Variants in PLCG2 observed in about 807,000 individuals in gnomAD.
PLCG2 encodes the protein 1-phosphatidylinositol 4,5-bisphosphate phosphodiesterase gamma-2.
In PLCG2, 69 loss-of-function variants were observed where a neutral mutation model predicts 175.6. The ratio of observed to expected loss-of-function variants is 0.39; its 90% CI spans 0.32 to 0.48. The LOEUF (loss-of-function observed/expected upper bound fraction) is 0.48, where lower values mean the gene tolerates loss of function less well. Ranked by LOEUF, PLCG2 falls within the 20% of genes least tolerant of loss-of-function variation. The probability of loss-of-function intolerance (pLI) is 0.91; values close to 1 mark genes in which losing one functional copy is unlikely to be tolerated. For synonymous variants in PLCG2, 827 were observed against 624.0 expected (o/e 1.33, Z -4.85); for missense variants, 1,798 against 1,650.9 (o/e 1.09, Z -1.54).
chr16:81,928,744 C>T (rs1158534669), intron 24 of PLCG2, 120 bp downstream of exon 24: 1 of 707,806 alleles, frequency 1.4e-6, no homozygotes, highest in African/African-American at 1.7e-5. Context: ...CCAGCTCCTT[C>T]CCTGGCTGAA....
At chr16:81,913,171 A>G (rs1909705432) in intron 19 of PLCG2, among the ~76,000 whole-genome samples, 1 of 152,040 alleles carries the variant, frequency 6.6e-6, no homozygotes, top group African/African-American at 2.4e-5. Context: ...TGGTTCTCTA[A>G]TGTTACCCCA....
chr16:81,946,028 T>C (rs1376917355), intron 30 of PLCG2, 147 bp from the exon 31 acceptor site: 1 of 671,378 alleles, frequency 1.5e-6, no homozygotes, highest in African/African-American at 1.8e-5. Flanking sequence ...ATAGGACCTC[T>C]GGCTTCCACA....
At chr16:81,940,094 G>C (rs1211331472) in intron 30 of PLCG2, 35 bp downstream of exon 30, 3 of 1,566,614 alleles carry the variant, frequency 1.9e-6, no homozygotes, top group Non-Finnish European at 2.6e-6. Context: ...TTCGATTTGG[G>C]CTGGCGTTGT....
At chr16:81,754,689 G>A (rs528785707) in intron 1 of PLCG2, among the ~76,000 whole-genome samples, 2 of 151,408 alleles carry the variant, frequency 1.3e-5, no homozygotes, top group African/African-American at 4.8e-5. Flanking sequence ...GGAACCTCAC[G>A]TGTCTCCCTA....
intron 31 of PLCG2, among the ~76,000 whole-genome samples, chr16:81,946,789 T>C (rs1404145096): frequency 1.3e-5 from 2 of 152,194 alleles, no homozygotes; most frequent in African/African-American, 4.8e-5. Context: ...TTAGGATCAA[T>C]ACTCAGATAT....
chr16:81,914,976 C>G (rs1909781273), intron 19 of PLCG2, among the ~76,000 whole-genome samples: 1 of 152,156 alleles, frequency 6.6e-6, no homozygotes, highest in Non-Finnish European at 1.5e-5. Context: ...GTCTGGGACC[C>G]TAAGTCATTG....
chr16:81,897,174 A>T (rs1472751492), intron 13 of PLCG2, among the ~76,000 whole-genome samples: 1 of 152,274 alleles, frequency 6.6e-6, no homozygotes, highest in South Asian at 2.1e-4. Flanking sequence ...AGAGGCCATC[A>T]TATGCCGACT....
intron 10 of PLCG2, among the ~76,000 whole-genome samples, chr16:81,889,957 G>A (rs1032087577): frequency 6.6e-6 from 1 of 152,000 alleles, no homozygotes; most frequent in African/African-American, 2.4e-5. Context: ...ACCTGGCGGA[G>A]GCTAGGGTTT....
intron 2 of PLCG2, among the ~76,000 whole-genome samples, chr16:81,854,016 T>C (rs184531682): frequency 1.9e-3 from 286 of 152,166 alleles, no homozygotes; most frequent in Middle Eastern, 0.01. Flanking sequence ...AGGGAAAAGG[T>C]CATCAAGGTC....
At chr16:81,860,436 G>A (rs1050122937) in intron 5 of PLCG2, among the ~76,000 whole-genome samples, 66 of 152,060 alleles carry the variant, frequency 4.3e-4, no homozygotes, top group African/African-American at 1.5e-3. Context: ...GCAGCACAGC[G>A]TTTGCTGGTC....
chr16:81,749,883 C>G (rs139668485), intron 1 of PLCG2, among the ~76,000 whole-genome samples: 1 of 152,100 alleles, frequency 6.6e-6, no homozygotes, highest in African/African-American at 2.4e-5. Flanking sequence ...GCTGAGATGT[C>G]CCTCAATGGA....
intron 13 of PLCG2, 67 bp from the exon 14 acceptor site, chr16:81,900,545 C>CA: frequency 6.9e-7 from 1 of 1,450,498 alleles, no homozygotes; most frequent in Non-Finnish European, 9.3e-7. Flanking sequence ...TGCCCTGGCC[C>CA]CTCTGTGGGG....
intron 31 of PLCG2, among the ~76,000 whole-genome samples, chr16:81,951,036 G>C (rs1019999839): frequency 6.6e-6 from 1 of 152,170 alleles, no homozygotes; most frequent in African/African-American, 2.4e-5. Context: ...CACCCAGCCT[G>C]GAATACAGTG....
At chr16:81,938,606 C>T (rs936771772) in intron 28 of PLCG2, 195 bp from the exon 29 acceptor site, 3 of 578,896 alleles carry the variant, frequency 5.2e-6, no homozygotes, top group African/African-American at 1.9e-5. Context: ...CAGGCTGATG[C>T]TGAGGAACTG....
Position 81,960,751 on chromosome 16 carries a change from A to G in PLCG2, c.*2753A>G, listed in dbSNP as rs999736081. 1 of 229,330 alleles carries G rather than the reference A, an allele frequency of 4.4e-6. No individual in the cohort carries two copies. Among genetic ancestry groups the G allele is most frequent in the Admixed American group, 5.7e-5 (1 of 17,644 alleles). The allele number at this position is 229,330 out of a possible 1,614,324, so 14.2% of individuals were successfully genotyped here. ...ACTTCGTATGCTTTGTGACCTAGTT[A>G]AAATCTAAACTTAAGTCGCCATGGC... On this transcript the variant is annotated 3_prime_UTR_variant, in exon 33 of 33. Coordinates refer to ENST00000564138, the MANE Select transcript of PLCG2 (RefSeq NM_002661.5).
Position 81,905,552 on chromosome 16 carries a change from G to T in PLCG2, c.1467+45G>T, listed in dbSNP as rs11859176. On this transcript the variant is annotated intron_variant, in intron 15 of 32. Coordinates refer to ENST00000564138, the MANE Select transcript of PLCG2 (RefSeq NM_002661.5). The stretch of plus-strand genomic sequence containing the variant: ...CGTAGCCACTGCGGCCACGCCCCTT[G>T]CAGCTGCTTCTTGGAGCCCTGCTGG... 0.088 allele frequency: 111,097 copies of T among 1,268,876 alleles called. 5,674 individuals carry two copies. Among genetic ancestry groups the T allele is most frequent in the Non-Finnish European group, 0.11 (93,372 of 868,302 alleles). The allele number at this position is 1,268,876 out of a possible 1,614,324, so 78.6% of individuals were successfully genotyped here. A position where few individuals can be genotyped will look rare whatever the true frequency, so the allele number is the denominator to read the frequency against.
chr16:81,944,803 G>C (rs772404764), intron 30 of PLCG2, among the ~76,000 whole-genome samples: 1 of 152,080 alleles, frequency 6.6e-6, no homozygotes, highest in Non-Finnish European at 1.5e-5. Flanking sequence ...TCAGGGACTT[G>C]AGCCTCCAAG....
In PLCG2 at chr16:81,920,156, C is replaced by G. The variant is rs139825416; in HGVS notation, c.2235+492C>G. Among the ~76,000 whole-genome samples the G allele has an allele frequency of 3.1e-3, 468 of 152,272 alleles. 3 individuals carry two copies. The highest frequency in any genetic ancestry group is 0.011 in the African/African-American group (438 of 41,552). ...GTAGAGCTAAATAAGGATGAGGGTT[C>G]ACAGGTGACTTATCATGCAGGGGCT... On this transcript the variant is annotated intron_variant, in intron 20 of 32. Transcript: ENST00000564138.
intron 25 of PLCG2, among the ~76,000 whole-genome samples, chr16:81,932,143 C>T (rs1910528731): frequency 6.6e-6 from 1 of 152,240 alleles, no homozygotes; most frequent in Admixed American, 6.5e-5. Flanking sequence ...GTGACCTTTT[C>T]AGGGCTGTCC....
Sources: allele counts gnomAD v4.1 joint callset (sites outside exome capture counted in the v4.1 genomes callset), GRCh38; gene constraint gnomAD v4.1.1; transcripts MANE v1.5; gene names NCBI Gene and HGNC (gene_info 2026-07-23, HGNC 2026-07-21).